Variants in GRHL1 observed in about 807,000 individuals in gnomAD.
GRHL1 encodes the protein grainyhead like transcription factor 1.
A neutral mutation model predicts 75.7 loss-of-function variants in GRHL1; 38 were observed. The ratio of observed to expected loss-of-function variants is 0.50; its 90% CI spans 0.39 to 0.66. GRHL1 has a LOEUF of 0.66. GRHL1 is among the 30% of genes least tolerant of loss of function. The pLI, the probability that GRHL1 is intolerant of heterozygous loss-of-function variation, is 0.00. For synonymous variants in GRHL1, 266 were observed against 279.4 expected (o/e 0.95, Z 0.48); for missense variants, 589 against 767.5 (o/e 0.77, Z 2.75).
intron 3 of GRHL1, 41 bp downstream of exon 3, chr2:9,958,897 A>C (rs779792271): frequency 1.2e-6 from 2 of 1,600,098 alleles, no homozygotes; most frequent in South Asian, 2.3e-5. Flanking sequence ...TGCAGGGGGA[A>C]ATGCCACGTT....
intron 2 of GRHL1, among the ~76,000 whole-genome samples, chr2:9,956,274 G>A (rs368169678): frequency 6.6e-6 from 1 of 152,158 alleles, no homozygotes; most frequent in East Asian, 1.9e-4. Flanking sequence ...GGTGAAAGAA[G>A]CCTAGGAGAT....
At chr2:9,999,101 C>A in intron 15 of GRHL1, 72 bp downstream of exon 15, 1 of 656,408 alleles carries the variant, frequency 1.5e-6, no homozygotes, top group South Asian at 2.0e-5. Flanking sequence ...TGACGCACCC[C>A]CCAGTGCTGT....
chr2:9,979,151 C>CAAAAAAAAAAAAAAAAAAA lies in GRHL1; in HGVS notation c.1111-6957_1111-6956insAAAAAAAAAAAAAAAAAAA, dbSNP rs1227015836. On this transcript the variant is annotated intron_variant, in intron 8 of 15. Transcript: ENST00000324907. Reference sequence around the variant, plus strand: ...TTCCAGCCTGGGCAAGACTCTCTCTCAAAAAAAAAAAAAAAAGGAAACCTT... The same window carrying CAAAAAAAAAAAAAAAAAAA: ...TTCCAGCCTGGGCAAGACTCTCTCTCAAAAAAAAAAAAAAAAAAAAAAAAAAAAAAAAAAAGGAAACCTT... Among the ~76,000 whole-genome samples, 106 of 60,360 alleles carry CAAAAAAAAAAAAAAAAAAA rather than the reference C, an allele frequency of 1.8e-3. 11 individuals carry two copies. The highest frequency in any genetic ancestry group is 2.8e-3 in the South Asian group (5 of 1,802). 39.6% of individuals were successfully genotyped at this position (60,360 alleles called of 152,430 possible).
At chr2:9,979,457 T>G (rs980853765) in intron 8 of GRHL1, among the ~76,000 whole-genome samples, 1 of 152,146 alleles carries the variant, frequency 6.6e-6, no homozygotes, top group African/African-American at 2.4e-5. Flanking sequence ...CAGGGTGGTC[T>G]CAAACTCCTG....
chr2:9,991,747 T>C (rs1446451410), intron 10 of GRHL1, among the ~76,000 whole-genome samples: 1 of 152,240 alleles, frequency 6.6e-6, no homozygotes, highest in Non-Finnish European at 1.5e-5. Flanking sequence ...AAATCTTCTG[T>C]GGATATGCGT....
At chr2:9,983,703 T>A (rs973301204) in intron 8 of GRHL1, among the ~76,000 whole-genome samples, 2 of 151,992 alleles carry the variant, frequency 1.3e-5, no homozygotes, top group African/African-American at 2.4e-5. Context: ...ACAGAAAAAA[T>A]TCGGATTTTC....
chr2:9,970,009 AT>A (rs1294125441), intron 8 of GRHL1, among the ~76,000 whole-genome samples: 1 of 151,814 alleles, frequency 6.6e-6, no homozygotes, highest in Non-Finnish European at 1.5e-5. Flanking sequence ...TGCCCGGCTA[AT>A]TTTTTTGTAT....
chr2:9,959,667 G>A (rs1667183438), intron 3 of GRHL1: 1 of 152,064 alleles, frequency 6.6e-6, no homozygotes, highest in African/African-American at 2.4e-5. Flanking sequence ...AACAGTATAA[G>A]CCCACATGTA....
At chr2:9,974,814 A>G (rs945702486) in intron 8 of GRHL1, among the ~76,000 whole-genome samples, 3 of 152,226 alleles carry the variant, frequency 2.0e-5, no homozygotes, top group Non-Finnish European at 2.9e-5. Flanking sequence ...GCACTTCTCT[A>G]TGTAAGCACT....
chr2:9,960,577 C>T (rs1239010751), intron 3 of GRHL1: 2 of 156,810 alleles, frequency 1.3e-5, no homozygotes, highest in African/African-American at 4.8e-5. Context: ...TTTAGTGTAT[C>T]ATCTCATCTC....
At position 9,961,416 on chromosome 2, in the gene GRHL1, T is replaced by C. The variant is rs894131814; in HGVS notation, c.649T>C (p.Phe217Leu). The C allele has an allele frequency of 1.2e-6, 2 of 1,608,834 alleles. No individual in the cohort carries two copies. Among genetic ancestry groups the C allele is most frequent in the African/African-American group, 2.7e-5 (2 of 74,792 alleles). The stretch of plus-strand genomic sequence containing the variant: ...TCCAGACTCGACCTTCTCAGAGACC[T>C]TCAAGGAAGGCGTTCAGGAGGTAAG... ...RTPDSTFSET[F>L]KEGVQEVFFP... Residue 217 changes from phenylalanine (F) to leucine (L), a missense_variant, in exon 4 of 16, where the codon TTC becomes CTC. Transcript: ENST00000324907.
chr2:9,954,445 G>A (rs920760163), intron 1 of GRHL1, among the ~76,000 whole-genome samples: 12 of 152,164 alleles, frequency 7.9e-5, no homozygotes, highest in African/African-American at 2.9e-4. Context: ...CTGTGTTCAG[G>A]TAGGAATTTT....
At chr2:9,999,230 A>G (rs949876592) in intron 15 of GRHL1, among the ~76,000 whole-genome samples, 14 of 152,186 alleles carry the variant, frequency 9.2e-5, no homozygotes, top group African/African-American at 1.9e-4. Flanking sequence ...GAAGCAGCCA[A>G]AGAAACCTGG....
In GRHL1 at chr2:9,990,633, G is replaced by GAGTTA. The variant is rs1668598242; in HGVS notation, c.1270-61_1270-57dup. Reference sequence around the variant, plus strand: ...CTTCTTCTTCCATTGGTCAGGATAAGAGTTAAATATTTTAAAGAAGATTGG... The same window carrying GAGTTA: ...CTTCTTCTTCCATTGGTCAGGATAAGAGTTAAGTTAAATATTTTAAAGAAGATTGG... On this transcript the variant is annotated intron_variant, in intron 9 of 15. Coordinates refer to ENST00000324907, the MANE Select transcript of GRHL1 (RefSeq NM_198182.3). This position sits in a 1 kb window ranked among gnomAD's most constrained non-coding sequence, Gnocchi z 4.2. The GAGTTA allele has an allele frequency of 9.8e-7, 1 of 1,023,774 alleles. No homozygotes were observed. Among genetic ancestry groups the GAGTTA allele is most frequent in the Non-Finnish European group, 1.5e-6 (1 of 683,986 alleles). The allele number at this position is 1,023,774 out of a possible 1,614,324, so 63.4% of individuals were successfully genotyped here. A position where few individuals can be genotyped will look rare whatever the true frequency, so the allele number is the denominator to read the frequency against.
chr2:9,962,622 C>T (rs1277551149), intron 5 of GRHL1, 91 bp downstream of exon 5: 11 of 761,532 alleles, frequency 1.4e-5, no homozygotes, highest in Non-Finnish European at 2.6e-5. Flanking sequence ...GTGGCTTTAG[C>T]AGGCTTTCCC....
intron 7 of GRHL1, 39 bp from the exon 8 acceptor site, chr2:9,965,248 C>A: frequency 9.4e-7 from 1 of 1,061,152 alleles, no homozygotes; most frequent in Non-Finnish European, 1.5e-6. Context: ...GAAACTAAGA[C>A]TCATGAGTTT....
chr2:9,963,560 G>C (rs1020368495), intron 5 of GRHL1, among the ~76,000 whole-genome samples: 1 of 152,208 alleles, frequency 6.6e-6, no homozygotes, highest in Non-Finnish European at 1.5e-5. Flanking sequence ...CCAGCCACCT[G>C]TCTGAAACCT....
At chr2:9,955,603 A>C (rs1415914629) in intron 2 of GRHL1, among the ~76,000 whole-genome samples, 1 of 152,202 alleles carries the variant, frequency 6.6e-6, no homozygotes, top group Admixed American at 6.5e-5. Flanking sequence ...AATTAAATAT[A>C]ATCTATACTC....
rs557465059 is a variant in GRHL1 at position 9,997,760 on chromosome 2, T to A, written c.1678-1205T>A. 4.7e-5 allele frequency among the ~76,000 whole-genome samples: 7 copies of A among 149,918 alleles called. No individual in the cohort carries two copies. In the East Asian group the frequency reaches 1.2e-3, roughly 25 times the overall value. ...ATCACTTGAACCAGGGAGGTGGAGG[T>A]TGTAGTGAGCTGAGATCCCGCCACT... is the stretch of plus-strand genomic sequence containing the variant. On this transcript the variant is annotated intron_variant, in intron 14 of 15. Transcript: ENST00000324907.
Sources: gnomAD v4.1 joint callset for allele counts (sites outside exome capture counted in the v4.1 genomes callset) on GRCh38, gnomAD v4.1.1 for gene constraint, Gnocchi (gnomAD v3.1) non-coding constraint, MANE v1.5 for transcripts, NCBI Gene and HGNC (gene_info 2026-07-23, HGNC 2026-07-21) for gene names.